REV1: variants seen among roughly 807,000 people sequenced by gnomAD.
The protein encoded by REV1 is REV1 DNA directed polymerase.
Under a neutral mutation model 137.4 loss-of-function variants are expected in REV1, and 42 were observed. That is an observed-to-expected ratio of 0.31 (90% CI 0.24 to 0.40). REV1 has a LOEUF of 0.40. Among genes scored for constraint, REV1 ranks in the 10% least tolerant of loss-of-function variants. The pLI is 1.00. For synonymous variants in REV1, 524 were observed against 519.2 expected, an observed-to-expected ratio of 1.01 and a Z score of -0.12; for missense variants, 1,282 against 1,490.1, an observed-to-expected ratio of 0.86 and a Z score of 2.30.
At chr2:99,460,043 G>C (rs1684004333) in intron 3 of REV1, among the ~76,000 whole-genome samples, 1 of 152,190 alleles carries the variant, frequency 6.6e-6, no homozygotes, top group Non-Finnish European at 1.5e-5. Flanking sequence ...TTTGCAAACT[G>C]TTCACTGGAA....
chr2:99,488,155 A>G (rs1384106151), intron 1 of REV1, among the ~76,000 whole-genome samples: 1 of 118,882 alleles, frequency 8.4e-6, no homozygotes, highest in Non-Finnish European at 1.8e-5. Flanking sequence ...AATATATATT[A>G]TATGTAGTCA....
intron 1 of REV1, among the ~76,000 whole-genome samples, chr2:99,488,643 C>G (rs946455280): frequency 5.9e-5 from 9 of 152,238 alleles, no homozygotes; most frequent in Non-Finnish European, 1.2e-4. Flanking sequence ...CAATACGCAG[C>G]ACTGGTCCCT....
At chr2:99,436,078 TAC>T in intron 6 of REV1, 137 bp from the exon 7 acceptor site, 1 of 626,094 alleles carries the variant, frequency 1.6e-6, no homozygotes, top group Non-Finnish European at 2.8e-6. Context: ...CAGAATTGAG[TAC>T]AGATTATTTC....
intron 1 of REV1, among the ~76,000 whole-genome samples, chr2:99,466,419 T>A (rs1373456021): frequency 2.0e-5 from 3 of 152,026 alleles, no homozygotes; most frequent in Non-Finnish European, 4.4e-5. Flanking sequence ...TTTTTGTATT[T>A]TTAGTAGAGA....
At position 99,439,144 on chromosome 2, in the gene REV1, T is replaced by C; in HGVS notation, c.670A>G (p.Ile224Val). Residue 224 changes from isoleucine to valine, a missense_variant, in exon 6 of 23, where the codon ATT becomes GTT. This residue lies in a region of REV1 where 432 missense variants were observed against 438.0 expected (regional missense o/e 0.99). Coordinates refer to ENST00000258428, the MANE Select transcript of REV1 (RefSeq NM_016316.4). ...GIPHPRGSTAIFNGHTPSSNG... is the reference protein window; with the variant it reads ...GIPHPRGSTAVFNGHTPSSNG... ...GAGCTAGGAGTGTGTCCATTAAAAA[T>C]GGCAGTGCTCCCTCTGGGATGCGGA... 1.2e-6 allele frequency: 2 copies of C among 1,614,168 alleles called. No individual in the cohort carries two copies. The highest frequency in any genetic ancestry group is 1.7e-6 in the Non-Finnish European group (2 of 1,180,016).
intron 2 of REV1, among the ~76,000 whole-genome samples, chr2:99,463,905 T>G (rs1313804193): frequency 5.3e-5 from 8 of 152,130 alleles, no homozygotes; most frequent in Non-Finnish European, 1.0e-4. Context: ...ATTACAGGTG[T>G]GAGCCACCAC....
intron 1 of REV1, among the ~76,000 whole-genome samples, chr2:99,480,341 T>A (rs1217245059): frequency 2.6e-5 from 4 of 152,110 alleles, no homozygotes; most frequent in Non-Finnish European, 2.9e-5. Flanking sequence ...TACAAAAAGA[T>A]GTTTAGGACA....
At chr2:99,472,550 GT>G (rs544855103) in intron 1 of REV1, among the ~76,000 whole-genome samples, 1 of 152,170 alleles carries the variant, frequency 6.6e-6, no homozygotes, top group African/African-American at 2.4e-5. Flanking sequence ...GAAGAAAAGA[GT>G]TTTTTAAAAA....
At chr2:99,483,087 T>A (rs567936784) in intron 1 of REV1, among the ~76,000 whole-genome samples, 5 of 151,930 alleles carry the variant, frequency 3.3e-5, no homozygotes, top group African/African-American at 1.2e-4. Context: ...GTTAAAACAT[T>A]TGTAAAGTTC....
intron 3 of REV1, chr2:99,451,383 A>C (rs1682906881): frequency 7.7e-7 from 1 of 1,292,904 alleles, no homozygotes; most frequent in African/African-American, 1.5e-5. Flanking sequence ...ATTACTCCAG[A>C]AATTTGGAAC....
At position 99,489,821 on chromosome 2, in the gene REV1, C is replaced by T. The variant is rs1687519353; in HGVS notation, c.-15G>A. On this transcript the variant is annotated 5_prime_UTR_variant, in exon 1 of 23. Coordinates refer to ENST00000258428, the MANE Select transcript of REV1 (RefSeq NM_016316.4). The stretch of plus-strand genomic sequence containing the variant: ...GCCGGCCCGGGGGTCGCTCACCTTC[C>T]GCGTTGCCCCAGACCACCATGCCCG... The T allele has an allele frequency of 6.7e-6, 1 of 149,238 alleles. No homozygotes were observed. The allele number at this position is 149,238 out of a possible 1,614,324, so 9.2% of individuals were successfully genotyped here.
intron 1 of REV1, among the ~76,000 whole-genome samples, chr2:99,485,483 T>TACAA (rs1292737742): frequency 6.6e-6 from 1 of 152,194 alleles, no homozygotes. Flanking sequence ...TCCCAAATAC[T>TACAA]ACAAGACTCA....
intron 1 of REV1, among the ~76,000 whole-genome samples, chr2:99,466,260 T>A (rs1240654576): frequency 1.3e-5 from 2 of 151,680 alleles, no homozygotes; most frequent in Non-Finnish European, 2.9e-5. Flanking sequence ...CTCTTTTTTT[T>A]GAGACAAAGT....
chr2:99,484,403 T>G (rs539348966), intron 1 of REV1, among the ~76,000 whole-genome samples: 1 of 152,276 alleles, frequency 6.6e-6, no homozygotes, highest in South Asian at 2.1e-4. Context: ...AATTGCCCCA[T>G]AGTCAGCAGG....
chr2:99,438,585 T>G lies in REV1; in HGVS notation c.1213+16A>C, dbSNP rs1394848673. Reference sequence around the variant, plus strand: ...CATGACTGTTTCTTAAGAAGACAATTTTAATAAGTATCTACCTGTGTCAGT... The same window carrying G: ...CATGACTGTTTCTTAAGAAGACAATGTTAATAAGTATCTACCTGTGTCAGT... On this transcript the variant is annotated intron_variant, in intron 6 of 22. Transcript: ENST00000258428. 6.3e-7 allele frequency: 1 copy of G among 1,580,374 alleles called. No homozygotes were observed. The highest frequency in any genetic ancestry group is 1.4e-5 in the African/African-American group (1 of 74,072).
At position 99,410,798 on chromosome 2, in the gene REV1, T is replaced by C. The variant is rs547996823; in HGVS notation, c.2242A>G (p.Met748Val). 7 of 1,611,830 alleles carry C rather than the reference T, an allele frequency of 4.3e-6. No individual in the cohort carries two copies. Among genetic ancestry groups the C allele is most frequent in the Admixed American group, 1.7e-5 (1 of 59,486 alleles). The change falls in exon 14 of 23, where the codon ATG becomes GTG. Residue 748 changes from methionine to valine, a missense_variant. Around this residue, in one of 7 missense-constraint regions of REV1, gnomAD observed 372 missense variants for 482.3 expected, o/e 0.77. Transcript: ENST00000258428. ...TTGAGAGTTAGACGTTTACCCTTCA[T>C]GCCAGTGGCTTCTAGTCTTCTTTGA... ...EIQRRLEATGMKGKRLTLKIM... is the reference protein window; with the variant it reads ...EIQRRLEATGVKGKRLTLKIM...
intron 14 of REV1, among the ~76,000 whole-genome samples, chr2:99,409,865 C>CG (rs1260027762): frequency 4.5e-5 from 5 of 111,064 alleles, no homozygotes; most frequent in East Asian, 2.5e-4. Flanking sequence ...CCCCCCCCCC[C>CG]CCAAAAAAAA....
chr2:99,470,929 A>G (rs1439976732), intron 1 of REV1, among the ~76,000 whole-genome samples: 1 of 152,248 alleles, frequency 6.6e-6, no homozygotes, highest in African/African-American at 2.4e-5. Context: ...ACTTCTTTAC[A>G]GCACCAGGGA....
intron 1 of REV1, among the ~76,000 whole-genome samples, chr2:99,489,478 C>T (rs940494996): frequency 4.7e-5 from 7 of 148,970 alleles, no homozygotes; most frequent in Non-Finnish European, 1.0e-4. Flanking sequence ...GGGATGCGGC[C>T]GGGCGCGGAG....
Sources: gnomAD v4.1 joint callset for allele counts (sites outside exome capture counted in the v4.1 genomes callset) on GRCh38, gnomAD v4.1.1 for gene constraint, gnomAD v4.1.1 regional missense constraint, MANE v1.5 for transcripts, NCBI Gene and HGNC (gene_info 2026-07-23, HGNC 2026-07-21) for gene names.